The following CBFA2T3 variants were observed in gnomAD, a reference collection of about 807,000 sequenced individuals.
The protein encoded by CBFA2T3 is CBFA2/RUNX1 partner transcriptional co-repressor 3, also known as transcriptional corepressor CBFA2T3.
A neutral mutation model predicts 58.6 loss-of-function variants in CBFA2T3; 31 were observed. That is an observed-to-expected ratio of 0.53 (90% CI 0.40 to 0.71). The LOEUF is 0.71. CBFA2T3 is among the 30% of genes least tolerant of loss of function. CBFA2T3 has a pLI of 0.00. For missense variants in CBFA2T3, 1,076 were observed against 963.1 expected (o/e 1.12, Z -1.55); for synonymous variants, 531 against 421.9 (o/e 1.26, Z -3.17).
intron 1 of CBFA2T3, among the ~76,000 whole-genome samples, chr16:88,946,265 A>T (rs930735056): frequency 1.3e-5 from 2 of 151,902 alleles, no homozygotes; most frequent in Non-Finnish European, 2.9e-5. Context: ...GTGAGCCAAG[A>T]TCATGCCACT....
In CBFA2T3 at chr16:88,898,258, TG is replaced by T. The variant is rs1969963853; in HGVS notation, c.305-107del. The T allele has an allele frequency of 3.5e-6, 3 of 857,180 alleles. No individual in the cohort carries two copies. In the Admixed American group the frequency reaches 5.7e-5, roughly 16 times the overall value. 53.1% of individuals were successfully genotyped at this position (857,180 alleles called of 1,614,324 possible). A position where few individuals can be genotyped will look rare whatever the true frequency, so the allele number is the denominator to read the frequency against. On this transcript the variant is annotated intron_variant, in intron 2 of 11. Transcript: ENST00000268679. ...TTTTCCTACTTCTCAGAGTGATTTT[TG>T]GTGGGGGCGTGGGCAGGAGACTGCC...
chr16:88,932,551 G>T (rs1971347411), intron 1 of CBFA2T3, among the ~76,000 whole-genome samples: 1 of 152,102 alleles, frequency 6.6e-6, no homozygotes, highest in Non-Finnish European at 1.5e-5. Context: ...GTAGGCTGAA[G>T]GGGGAGGATC....
At chr16:88,924,313 C>A (rs1181222860) in intron 1 of CBFA2T3, among the ~76,000 whole-genome samples, 1 of 152,226 alleles carries the variant, frequency 6.6e-6, no homozygotes, top group East Asian at 1.9e-4. Flanking sequence ...CCTTCAGGAC[C>A]GCTCCAGTCG....
chr16:88,928,907 G>A (rs1425539659), intron 1 of CBFA2T3, among the ~76,000 whole-genome samples: 2 of 152,190 alleles, frequency 1.3e-5, no homozygotes, highest in Non-Finnish European at 2.9e-5. Flanking sequence ...GGCCAGCAGC[G>A]CAAAGGCCCT....
rs370565265 is a variant in CBFA2T3 at position 88,901,666 on chromosome 16, A to G, written c.152-10T>C. 76 of 1,522,278 alleles carry G rather than the reference A, an allele frequency of 5.0e-5. No homozygotes were observed. The highest frequency in any genetic ancestry group is 5.9e-5 in the Non-Finnish European group (68 of 1,148,370). The allele number at this position is 1,522,278 out of a possible 1,614,324, so 94.3% of individuals were successfully genotyped here. A position where few individuals can be genotyped will look rare whatever the true frequency, so the allele number is the denominator to read the frequency against. On this transcript the variant is annotated splice_polypyrimidine_tract_variant and intron_variant, in intron 1 of 11. Coordinates refer to ENST00000268679, the MANE Select transcript of CBFA2T3 (RefSeq NM_005187.6). ...TTCCTGTCCACTGGGGCTGCGACCA[A>G]CGGAGAAAGAAAGAGTCGGTGAAGC...
At chr16:88,943,863 A>G (rs937356357) in intron 1 of CBFA2T3, among the ~76,000 whole-genome samples, 2 of 152,190 alleles carry the variant, frequency 1.3e-5, no homozygotes, top group Non-Finnish European at 2.9e-5. Context: ...AGATGTCTGC[A>G]GTCTGTCCGA....
intron 1 of CBFA2T3, among the ~76,000 whole-genome samples, chr16:88,902,687 C>T (rs1970146790): frequency 6.6e-6 from 1 of 152,208 alleles, no homozygotes; most frequent in East Asian, 1.9e-4. Context: ...CCCAGGGCCT[C>T]CCCATTTATC....
chr16:88,919,346 C>T lies in CBFA2T3; in HGVS notation c.152-17690G>A, dbSNP rs886954571. Among the ~76,000 whole-genome samples, 21 of 152,306 alleles carry T rather than the reference C, an allele frequency of 1.4e-4. No homozygotes were observed. The South Asian group carries it at 2.7e-3, about 20-fold the overall frequency. On this transcript the variant is annotated intron_variant, in intron 1 of 11. Coordinates refer to ENST00000268679, the MANE Select transcript of CBFA2T3 (RefSeq NM_005187.6). ...TGGTCTCCTTCATTCGGTGTACTCT[C>T]GTGGCAAAACTGCTGGCGAGTGTAC...
rs546959545 is a variant in CBFA2T3, at chr16:88,896,818, G to C, written c.379+1260C>G. Reference sequence around the variant, plus strand: ...CCAGCCTGGGCCTGGCCCTCCCTTAGGTGCGCTTACCAGCCTTGCCCCGGG... The same window carrying C: ...CCAGCCTGGGCCTGGCCCTCCCTTACGTGCGCTTACCAGCCTTGCCCCGGG... On this transcript the variant is annotated intron_variant, in intron 3 of 11. Transcript: ENST00000268679. 2.0e-5 allele frequency among the ~76,000 whole-genome samples: 3 copies of C among 152,338 alleles called. No individual in the cohort carries two copies. In the South Asian group the frequency reaches 6.2e-4, roughly 32 times the overall value.
At chr16:88,904,177 C>A (rs144323315) in intron 1 of CBFA2T3, among the ~76,000 whole-genome samples, 1 of 152,204 alleles carries the variant, frequency 6.6e-6, no homozygotes, top group South Asian at 2.1e-4. Context: ...GCCCTGCCGG[C>A]GCCCTGAGCA....
intron 1 of CBFA2T3, among the ~76,000 whole-genome samples, chr16:88,906,819 C>T (rs756436601): frequency 9.2e-5 from 14 of 152,194 alleles, no homozygotes; most frequent in Non-Finnish European, 1.8e-4. Context: ...CTGCAGCCCC[C>T]AGGAGATTAA....
chr16:88,881,548 C>A (rs1969081774), intron 8 of CBFA2T3, 59 bp from the exon 9 acceptor site: 7 of 1,523,046 alleles, frequency 4.6e-6, no homozygotes, highest in Non-Finnish European at 6.3e-6. Context: ...ACCAGACACT[C>A]CCCCAGCCCA....
chr16:88,923,635 G>A (rs1970992026), intron 1 of CBFA2T3, among the ~76,000 whole-genome samples: 1 of 152,240 alleles, frequency 6.6e-6, no homozygotes, highest in South Asian at 2.1e-4. Flanking sequence ...CCCAGTCCTG[G>A]CGCGCAGCAC....
intron 3 of CBFA2T3, 115 bp from the exon 4 acceptor site, chr16:88,892,600 C>A: frequency 8.3e-7 from 1 of 1,210,752 alleles, no homozygotes; most frequent in South Asian, 1.2e-5. Context: ...GTGACGGCAA[C>A]AATGATGAGA....
Position 88,976,910 on chromosome 16 carries a change from G to C in CBFA2T3, c.-103C>G, listed in dbSNP as rs987579074. On this transcript the variant is annotated 5_prime_UTR_variant, in exon 1 of 12. Coordinates refer to ENST00000268679, the MANE Select transcript of CBFA2T3 (RefSeq NM_005187.6). Reference sequence around the variant, plus strand: ...GCCTTGAGGGAAAGAGGAGGGGCTGGGCCAGCTGGGGCGTCCTGGAGTTGG... The same window carrying C: ...GCCTTGAGGGAAAGAGGAGGGGCTGCGCCAGCTGGGGCGTCCTGGAGTTGG... 7.2e-7 allele frequency: 1 copy of C among 1,379,506 alleles called. No homozygotes were observed. Among genetic ancestry groups the C allele is most frequent in the Non-Finnish European group, 9.7e-7 (1 of 1,028,640 alleles). The allele number at this position is 1,379,506 out of a possible 1,614,324, so 85.5% of individuals were successfully genotyped here. A position where few individuals can be genotyped will look rare whatever the true frequency, so the allele number is the denominator to read the frequency against.
intron 1 of CBFA2T3, among the ~76,000 whole-genome samples, chr16:88,956,433 T>G (rs902878305): frequency 1.3e-5 from 2 of 152,154 alleles, no homozygotes; most frequent in South Asian, 4.1e-4. Context: ...ATGACCCTGC[T>G]CCCCCAGGCT....
At chr16:88,939,853 G>A (rs2142801568) in intron 1 of CBFA2T3, 1 of 152,368 alleles carries the variant, frequency 6.6e-6, no homozygotes, top group Admixed American at 6.5e-5. Context: ...CTTCAGGTCT[G>A]GGGGACACAG....
chr16:88,963,162 G>T (rs1030589790), intron 1 of CBFA2T3, among the ~76,000 whole-genome samples: 1 of 152,176 alleles, frequency 6.6e-6, no homozygotes, highest in African/African-American at 2.4e-5. Context: ...GCCCAGGGCC[G>T]GAGGGAGAGA....
intron 1 of CBFA2T3, among the ~76,000 whole-genome samples, chr16:88,968,482 G>A (rs528122487): frequency 6.6e-6 from 1 of 152,232 alleles, no homozygotes; most frequent in Non-Finnish European, 1.5e-5. Context: ...GTCTCAGGAG[G>A]ACCTGGGGTG....
Sources: allele counts gnomAD v4.1 joint callset (sites outside exome capture counted in the v4.1 genomes callset), GRCh38; gene constraint gnomAD v4.1.1; transcripts MANE v1.5; gene names NCBI Gene and HGNC (gene_info 2026-07-23, HGNC 2026-07-21).